The following DPEP1 variants were observed in gnomAD, a reference collection of about 807,000 sequenced individuals.
The protein encoded by DPEP1 is beta-lactamase.
A neutral mutation model predicts 42.3 loss-of-function variants in DPEP1; 50 were observed. The observed-to-expected ratio is 1.18, with a 90% CI of 0.94 to 1.50. The LOEUF is 1.50. Ranked by LOEUF, DPEP1 falls within the 40% of genes most tolerant of loss-of-function variation. The pLI is 0.00. For synonymous variants in DPEP1, 297 were observed against 234.0 expected (o/e 1.27, Z -2.46); for missense variants, 663 against 553.0 (o/e 1.20, Z -1.99).
At chr16:89,641,043 G>A (rs2059739195), downstream of DPEP1, among the ~76,000 whole-genome samples, 1 of 152,158 alleles carries the variant, frequency 6.6e-6, no homozygotes, top group Admixed American at 6.5e-5. Context: ...AGAGAGAGAG[G>A]ACAGCTTACG....
chr16:89,618,575 G>A (rs965922328), intron 1 of DPEP1, among the ~76,000 whole-genome samples: 3 of 152,128 alleles, frequency 2.0e-5, no homozygotes, highest in South Asian at 2.1e-4. Flanking sequence ...TTGCCCAGGT[G>A]GGAGTGCAGC....
intron 1 of DPEP1, among the ~76,000 whole-genome samples, chr16:89,621,981 G>A (rs1281849321): frequency 2.6e-5 from 4 of 152,188 alleles, no homozygotes; most frequent in Admixed American, 2.6e-4. Flanking sequence ...CTTCTGTGTG[G>A]TTCTGGGAGA....
At chr16:89,617,199 G>C (rs1018289110) in intron 1 of DPEP1, among the ~76,000 whole-genome samples, 2 of 152,174 alleles carry the variant, frequency 1.3e-5, no homozygotes, top group African/African-American at 2.4e-5. Flanking sequence ...GAACAAGGGA[G>C]AGGGAGTGGC....
chr16:89,628,964 C>T (rs1007987673), intron 1 of DPEP1, among the ~76,000 whole-genome samples: 7 of 151,556 alleles, frequency 4.6e-5, no homozygotes. Context: ...GTAGCTGGGA[C>T]TACAGGTGCG....
downstream of DPEP1, chr16:89,638,487 A>C: frequency 7.8e-7 from 1 of 1,274,876 alleles, no homozygotes. Flanking sequence ...GTTTTGTGAA[A>C]ATGGCTCCTG....
chr16:89,636,314 G>A lies in DPEP1; in HGVS notation c.288G>A (p.Arg96=), dbSNP rs2059678153. ...ACACCCAGAACAAAGACGCCGTGCG[G>A]AGGACGCTGGAGCAGATGGACGTGG... The part of the protein sequence containing the change: ...PCDTQNKDAV[R]RTLEQMDVVH... The change falls in exon 4 of 11, where the codon CGG becomes CGA. Residue 96 remains arginine, a synonymous_variant. Transcript: ENST00000690203. 1.2e-6 allele frequency: 2 copies of A among 1,612,356 alleles called. No individual in the cohort carries two copies. Among genetic ancestry groups the A allele is most frequent in the East Asian group, 2.2e-5 (1 of 44,868 alleles).
At chr16:89,616,548 G>C (rs1037144543) in intron 1 of DPEP1, among the ~76,000 whole-genome samples, 1 of 152,228 alleles carries the variant, frequency 6.6e-6, no homozygotes, top group Non-Finnish European at 1.5e-5. Context: ...TGCTCCACCA[G>C]AATGTTCCCA....
chr16:89,626,075 C>T (rs9928664), intron 1 of DPEP1, among the ~76,000 whole-genome samples: 2,944 of 152,262 alleles, frequency 0.019, 80 homozygotes, highest in African/African-American at 0.058. Flanking sequence ...ACCTGCCCCC[C>T]GTCCTCCCGC....
At chr16:89,633,872 C>T (rs958764959) in intron 2 of DPEP1, among the ~76,000 whole-genome samples, 10 of 152,176 alleles carry the variant, frequency 6.6e-5, no homozygotes, top group Non-Finnish European at 4.4e-5. Context: ...GCAGTCCCCC[C>T]GAGACAGGGG....
chr16:89,639,032 C>A (rs1310507031), downstream of DPEP1, among the ~76,000 whole-genome samples: 3 of 72,910 alleles, frequency 4.1e-5, no homozygotes, highest in Admixed American at 1.4e-4. Context: ...ACGCACACAC[C>A]CCCCACCCCT....
rs558618015 is a variant in DPEP1, at chr16:89,614,795, C to CA, written c.-107+1083dup. Among the ~76,000 whole-genome samples the CA allele has an allele frequency of 1.1e-4, 17 of 151,974 alleles. No individual in the cohort carries two copies. The South Asian group carries it at 3.5e-3, about 32-fold the overall frequency. ...GAGTGACAGAGCGAGACTCCGTATC[C>CA]AAAAAAATAAAAGAAAAATCTTCTC... On this transcript the variant is annotated intron_variant, in intron 1 of 10. Coordinates refer to ENST00000690203, the MANE Select transcript of DPEP1 (RefSeq NM_001389466.1).
chr16:89,636,132 T>C, intron 3 of DPEP1, 92 bp downstream of exon 3: 1 of 1,545,974 alleles, frequency 6.5e-7, no homozygotes, highest in South Asian at 1.2e-5. Context: ...CCTGTGGTGT[T>C]CCTCCAGGGT....
At chr16:89,633,953 C>T (rs1597766359) in intron 2 of DPEP1, among the ~76,000 whole-genome samples, 1 of 152,162 alleles carries the variant, frequency 6.6e-6, no homozygotes. Context: ...CCTGGGCATT[C>T]CCCAGGGTCG....
chr16:89,638,144 G>A lies in DPEP1; in HGVS notation c.1158G>A (p.Gly386=). ...SCRTHYGYSS[G]ASSLHRHWGL... ...GGACCCATTACGGCTACTCCTCTGG[G>A]GCTTCCAGCCTCCATCGCCACTGGG... is the stretch of plus-strand genomic sequence containing the variant. Residue 386 remains glycine, a synonymous_variant, in exon 11 of 11, where the codon GGG becomes GGA. Coordinates refer to ENST00000690203, the MANE Select transcript of DPEP1 (RefSeq NM_001389466.1). 1 of 1,611,132 alleles carries A rather than the reference G, an allele frequency of 6.2e-7. No homozygotes were observed. The highest frequency in any genetic ancestry group is 1.7e-4 in the Middle Eastern group (1 of 6,034).
At chr16:89,613,412 C>T (rs1352667616), upstream of DPEP1, 7 of 152,334 alleles carry the variant, frequency 4.6e-5, no homozygotes, top group Admixed American at 2.0e-4. Context: ...GAGGTCAGGA[C>T]GCAGAGCCAT....
chr16:89,634,091 C>CTTCTT (rs1555631796), intron 2 of DPEP1, among the ~76,000 whole-genome samples: 6 of 123,688 alleles, frequency 4.9e-5, no homozygotes, highest in African/African-American at 2.2e-4. Context: ...TTCTCTTCTT[C>CTTCTT]TTTTTTTTTT....
Position 89,635,556 on chromosome 16 carries a change from G to C in DPEP1, c.105-352G>C, listed in dbSNP as rs547346728. ...TCACCCCCAGGCCCTTGCCCCTCACGTCTCCAATCCTGTCCACTGAGGTCA... is the reference window on the plus strand; with the variant it reads ...TCACCCCCAGGCCCTTGCCCCTCACCTCTCCAATCCTGTCCACTGAGGTCA... On this transcript the variant is annotated intron_variant, in intron 2 of 10. Coordinates refer to ENST00000690203, the MANE Select transcript of DPEP1 (RefSeq NM_001389466.1). 5.5e-4 allele frequency among the ~76,000 whole-genome samples: 84 copies of C among 152,106 alleles called. 1 individual carries two copies. The highest frequency in any genetic ancestry group is 1.9e-4 in the Non-Finnish European group (13 of 68,012).
chr16:89,635,856 C>G, intron 2 of DPEP1, 52 bp from the exon 3 acceptor site: 2 of 1,546,430 alleles, frequency 1.3e-6, no homozygotes, highest in Non-Finnish European at 1.7e-6. Flanking sequence ...TCGGAAGCCC[C>G]CAGGTCCCAG....
intron 1 of DPEP1, among the ~76,000 whole-genome samples, chr16:89,626,254 C>G (rs2059510233): frequency 6.6e-6 from 1 of 152,134 alleles, no homozygotes; most frequent in Non-Finnish European, 1.5e-5. Context: ...AAGGGAGAGA[C>G]CCGCTGGAGG....
Sources: gnomAD v4.1 joint callset for allele counts (sites outside exome capture counted in the v4.1 genomes callset) on GRCh38, gnomAD v4.1.1 for gene constraint, MANE v1.5 for transcripts, NCBI Gene and HGNC (gene_info 2026-07-23, HGNC 2026-07-21) for gene names.